The following SMARCA2 variants were observed in gnomAD, a reference collection of about 807,000 sequenced individuals.
The protein encoded by SMARCA2 is SWI/SNF related BAF chromatin remodeling complex subunit ATPase 2, also known as SWI/SNF-related matrix-associated actin-dependent regulator of chromatin subfamily A member 2.
SMARCA2 carries 61 observed loss-of-function variants against 199.8 expected under a neutral mutation model. The observed-to-expected ratio is 0.31, with a 90% CI of 0.25 to 0.38. SMARCA2 has a LOEUF of 0.38. Ranked by LOEUF, SMARCA2 falls within the 10% of genes least tolerant of loss-of-function variation. The pLI, the probability that SMARCA2 is intolerant of heterozygous loss-of-function variation, is 1.00. For synonymous variants in SMARCA2, 935 were observed against 732.0 expected (o/e 1.28, Z -4.48); for missense variants, 1,344 against 2,012.2 (o/e 0.67, Z 6.35).
At chr9:2,183,042 C>T (rs1827169276) in intron 31 of SMARCA2, among the ~76,000 whole-genome samples, 1 of 152,198 alleles carries the variant, frequency 6.6e-6, no homozygotes, top group Non-Finnish European at 1.5e-5. Flanking sequence ...CTGCCCACCT[C>T]AGCCTCCCAA....
rs538687299 is a variant in SMARCA2 at position 2,025,907 on chromosome 9, G to A, written c.-36-3080G>A. On this transcript the variant is annotated intron_variant, in intron 1 of 33. Transcript: ENST00000349721. Reference sequence around the variant, plus strand: ...GTGATGGTAGCCACAGCAGATCCTAGGGCAGCCCTGATTTTGCCTTGGAAG... The same window carrying A: ...GTGATGGTAGCCACAGCAGATCCTAAGGCAGCCCTGATTTTGCCTTGGAAG... Among the ~76,000 whole-genome samples the A allele has an allele frequency of 2.0e-5, 3 of 152,240 alleles. No homozygotes were observed. In the South Asian group the frequency reaches 6.2e-4, roughly 32 times the overall value.
chr9:2,171,705 T>C (rs1826256577), intron 29 of SMARCA2, among the ~76,000 whole-genome samples: 1 of 152,222 alleles, frequency 6.6e-6, no homozygotes. Context: ...TTGGGCAGTT[T>C]AAATAATCAA....
intron 5 of SMARCA2, 146 bp downstream of exon 5, chr9:2,047,630 C>A (rs978579118): frequency 2.0e-6 from 2 of 1,003,576 alleles, no homozygotes; most frequent in Non-Finnish European, 2.6e-6. Context: ...CTCCTGGGGC[C>A]TTCCCGGTGC....
chr9:2,152,796 G>C (rs1825144968), intron 27 of SMARCA2, among the ~76,000 whole-genome samples: 1 of 152,006 alleles, frequency 6.6e-6, no homozygotes, highest in African/African-American at 2.4e-5. Context: ...AGGTTTCAGT[G>C]AGCCAAGATC....
At position 2,057,368 on chromosome 9, in the gene SMARCA2, C is replaced by T. The variant is rs186796040; in HGVS notation, c.1347+523C>T. On this transcript the variant is annotated intron_variant, in intron 7 of 33. Coordinates refer to ENST00000349721, the MANE Select transcript of SMARCA2 (RefSeq NM_003070.5). ...CTACCCTCATGACCTTATCACCTCC[C>T]GAAGACCCCACCTCCTAATACCATT... 2.9e-4 allele frequency among the ~76,000 whole-genome samples: 44 copies of T among 152,278 alleles called. No individual in the cohort carries two copies. The East Asian group carries it at 7.5e-3, about 26-fold the overall frequency.
Position 2,087,008 on chromosome 9 carries a change from T to A in SMARCA2, c.2706T>A (p.Ile902=), listed in dbSNP as rs1821828576. The change falls in exon 18 of 34, where the codon ATT becomes ATA. Residue 902 remains isoleucine, a synonymous_variant. Transcript: ENST00000349721. ...WALLNFLLPT[I]FKSCSTFEQW... is the part of the protein sequence containing the mutation. The stretch of plus-strand genomic sequence containing the variant: ...TCCTCAACTTCCTCCTCCCAACAAT[T>A]TTTAAGAGCTGCAGCACATTTGAAC... 1.2e-6 allele frequency: 2 copies of A among 1,614,134 alleles called. No individual in the cohort carries two copies. The highest frequency in any genetic ancestry group is 8.5e-7 in the Non-Finnish European group (1 of 1,179,998).
At chr9:2,024,428 G>A (rs1269538616) in intron 1 of SMARCA2, among the ~76,000 whole-genome samples, 1 of 152,012 alleles carries the variant, frequency 6.6e-6, no homozygotes, top group Non-Finnish European at 1.5e-5. Context: ...AGAGTTGTGG[G>A]GTAAGCCTTC....
rs748098893 is a variant in SMARCA2 at position 2,056,882 on chromosome 9, G to A, written c.1347+37G>A. 1 of 1,592,688 alleles carries A rather than the reference G, an allele frequency of 6.3e-7. No individual in the cohort carries two copies. The highest frequency in any genetic ancestry group is 8.6e-7 in the Non-Finnish European group (1 of 1,167,378). On this transcript the variant is annotated intron_variant, in intron 7 of 33. Coordinates refer to ENST00000349721, the MANE Select transcript of SMARCA2 (RefSeq NM_003070.5). The surrounding 1 kb of genome is among the most constrained non-coding windows in gnomAD (Gnocchi z 4.0). The stretch of plus-strand genomic sequence containing the variant: ...CTGGGCTTTGCTCACCCTCACTTTG[G>A]CAGAGCTGTCCAATGAATTCATCAA...
At chr9:2,171,989 A>C (rs900114469) in intron 29 of SMARCA2, among the ~76,000 whole-genome samples, 4 of 152,238 alleles carry the variant, frequency 2.6e-5, no homozygotes, top group African/African-American at 9.6e-5. Flanking sequence ...ATTCATTTTC[A>C]CTAAAGACAC....
chr9:2,103,099 T>C (rs931368074), intron 22 of SMARCA2, among the ~76,000 whole-genome samples: 1 of 152,050 alleles, frequency 6.6e-6, no homozygotes, highest in African/African-American at 2.4e-5. Context: ...GCCTTTTTAC[T>C]CATTATTTCA....
intron 26 of SMARCA2, among the ~76,000 whole-genome samples, chr9:2,122,195 G>A (rs1823491590): frequency 6.6e-6 from 1 of 152,110 alleles, no homozygotes; most frequent in African/African-American, 2.4e-5. Context: ...ATATTAGCAA[G>A]AATAATGTCC....
chr9:2,064,067 C>G (rs1425419245), intron 9 of SMARCA2, among the ~76,000 whole-genome samples: 3 of 152,236 alleles, frequency 2.0e-5, no homozygotes, highest in Non-Finnish European at 4.4e-5. Context: ...TTTGATGTTA[C>G]AAGATGAATG....
intron 27 of SMARCA2, among the ~76,000 whole-genome samples, chr9:2,130,174 A>C (rs910433388): frequency 6.6e-6 from 1 of 152,142 alleles, no homozygotes; most frequent in African/African-American, 2.4e-5. Context: ...TTTATTATAT[A>C]ATAGGTAGTA....
At chr9:2,147,012 C>T (rs1327764351) in intron 27 of SMARCA2, among the ~76,000 whole-genome samples, 2 of 152,144 alleles carry the variant, frequency 1.3e-5, no homozygotes, top group Non-Finnish European at 2.9e-5. Context: ...CTTTATTTTA[C>T]ATAGCCCCTA....
At chr9:2,099,387 A>C (rs922740676) in intron 21 of SMARCA2, among the ~76,000 whole-genome samples, 6 of 152,168 alleles carry the variant, frequency 3.9e-5, no homozygotes, top group African/African-American at 1.4e-4. Context: ...TTTGAAGATT[A>C]AGCATCAATC....
Position 2,076,333 on chromosome 9 carries a change from T to G in SMARCA2, c.2036+4T>G, listed in dbSNP as rs752612894. ...AGGATGCTAAGCAGATCATTGAGTA[T>G]GTACTGCATTTTTCCCTTGGAAATG... On this transcript the variant is annotated splice_donor_region_variant and intron_variant, in intron 13 of 33. Coordinates refer to ENST00000349721, the MANE Select transcript of SMARCA2 (RefSeq NM_003070.5). 4 of 1,516,094 alleles carry G rather than the reference T, an allele frequency of 2.6e-6. No individual in the cohort carries two copies. The highest frequency in any genetic ancestry group is 2.7e-6 in the Non-Finnish European group (3 of 1,092,232). The allele number at this position is 1,516,094 out of a possible 1,614,324, so 93.9% of individuals were successfully genotyped here. A position where few individuals can be genotyped will look rare whatever the true frequency, so the allele number is the denominator to read the frequency against.
intron 23 of SMARCA2, among the ~76,000 whole-genome samples, chr9:2,105,690 A>G (rs897995548): frequency 6.6e-6 from 1 of 152,052 alleles, no homozygotes; most frequent in African/African-American, 2.4e-5. Context: ...TTCTCCTTTG[A>G]CTGGATCCCT....
At chr9:2,026,935 T>C (rs140306473) in intron 1 of SMARCA2, among the ~76,000 whole-genome samples, 12 of 152,308 alleles carry the variant, frequency 7.9e-5, no homozygotes, top group Non-Finnish European at 1.8e-4. Flanking sequence ...TAATTCACTG[T>C]TGAGGCTCCC....
chr9:2,188,912 C>T (rs1161142655), intron 32 of SMARCA2, among the ~76,000 whole-genome samples: 1 of 152,188 alleles, frequency 6.6e-6, no homozygotes, highest in East Asian at 1.9e-4. Context: ...CAACAGTGTT[C>T]TTTGGCTCAT....
Sources: gnomAD v4.1 joint callset for allele counts (sites outside exome capture counted in the v4.1 genomes callset) on GRCh38, gnomAD v4.1.1 for gene constraint, Gnocchi (gnomAD v3.1) non-coding constraint, MANE v1.5 for transcripts, NCBI Gene and HGNC (gene_info 2026-07-23, HGNC 2026-07-21) for gene names.